Variants in ZNF577 observed in about 807,000 individuals in gnomAD.
ZNF577 encodes the protein zinc finger protein 577.
Under a neutral mutation model 13.9 loss-of-function variants are expected in ZNF577, and 14 were observed. The observed-to-expected ratio is 1.00, with a 90% CI of 0.66 to 1.57. ZNF577 has a LOEUF of 1.57. Ranked by LOEUF, ZNF577 falls within the 40% of genes most tolerant of loss-of-function variation. The pLI is 0.00. For synonymous variants in ZNF577, 203 were observed against 202.9 expected (o/e 1.00, Z 0.00); for missense variants, 555 against 579.2 (o/e 0.96, Z 0.43).
chr19:51,877,699 CTG>C (rs2084788805), intron 4 of ZNF577: 1 of 211,294 alleles, frequency 4.7e-6, no homozygotes, highest in Non-Finnish European at 9.4e-6. Flanking sequence ...TTGTGGAAAA[CTG>C]TTCCTCAAAA....
In ZNF577 at chr19:51,869,574, C is replaced by T. The variant is rs969972501; in HGVS notation, c.*2958G>A. ...GTGCGGGTCCTCCATATGCTGAGCA[C>T]CGGTCCCCTGGGGCCACTGTTCTTT... On this transcript the variant is annotated 3_prime_UTR_variant, in exon 6 of 6. Transcript: ENST00000638348. Among the ~76,000 whole-genome samples, 1 of 151,992 alleles carries T rather than the reference C, an allele frequency of 6.6e-6. No homozygotes were observed. Among genetic ancestry groups the T allele is most frequent in the African/African-American group, 2.4e-5 (1 of 41,388 alleles).
Position 51,824,317 on chromosome 19 carries a change from G to C in ZNF577, c.*600-12643C>G. 6.2e-7 allele frequency: 1 copy of C among 1,614,114 alleles called. No individual in the cohort carries two copies. The highest frequency in any genetic ancestry group is 8.5e-7 in the Non-Finnish European group (1 of 1,180,004). On this transcript the variant is annotated intron_variant and NMD_transcript_variant, in intron 9 of 10. Coordinates refer to the ZNF577 transcript ENST00000638827. This position sits in a 1 kb window ranked among gnomAD's most constrained non-coding sequence, Gnocchi z 4.7. The stretch of plus-strand genomic sequence containing the variant: ...TTCTGGGGTGACACTGCTGTAGAGA[G>C]GTTGAACGTGTTCATTACCATGGCC...
At chr19:51,874,913 A>G (rs2084731841) in intron 5 of ZNF577, among the ~76,000 whole-genome samples, 1 of 152,238 alleles carries the variant, frequency 6.6e-6, no homozygotes, top group East Asian at 1.9e-4. Flanking sequence ...AGAATTGAGG[A>G]TAACTGCTCA....
At chr19:51,830,045 ATT>A (rs1005910376) in intron 9 of ZNF577, among the ~76,000 whole-genome samples, 1 of 151,708 alleles carries the variant, frequency 6.6e-6, no homozygotes, top group African/African-American at 2.4e-5. Flanking sequence ...GAGTTTTATA[ATT>A]TTGTCTTTTA....
intron 5 of ZNF577, chr19:51,861,997 T>G (rs1241492336): frequency 6.6e-6 from 1 of 152,264 alleles, no homozygotes; most frequent in Non-Finnish European, 1.5e-5. Flanking sequence ...CATGGCAAGT[T>G]TTTCGATGCT....
intron 9 of ZNF577, chr19:51,825,425 G>A (rs2084225796): frequency 6.0e-6 from 1 of 166,810 alleles, no homozygotes; most frequent in Non-Finnish European, 1.5e-5. Flanking sequence ...CCAGTGTATA[G>A]GATGGGATCC....
At chr19:51,845,278 T>G (rs2084344796) in intron 5 of ZNF577, among the ~76,000 whole-genome samples, 1 of 152,110 alleles carries the variant, frequency 6.6e-6, no homozygotes, top group African/African-American at 2.4e-5. Flanking sequence ...GCGGATCACC[T>G]GAGGTCGGAG....
chr19:51,839,947 C>T (rs1197923069), exon 9 of ZNF577: 16 of 152,230 alleles, frequency 1.1e-4, no homozygotes, highest in Admixed American at 1.0e-3. Flanking sequence ...TTTCCGTAAC[C>T]TCTTCACTCA....
chr19:51,820,491 C>T (rs1012702728), intron 9 of ZNF577, among the ~76,000 whole-genome samples: 1 of 152,222 alleles, frequency 6.6e-6, no homozygotes, highest in Non-Finnish European at 1.5e-5. Flanking sequence ...GTTCTCTTCT[C>T]CACTTTGTAA....
intron 5 of ZNF577, among the ~76,000 whole-genome samples, chr19:51,876,294 A>G (rs1327734385): frequency 6.6e-6 from 1 of 152,122 alleles, no homozygotes; most frequent in Non-Finnish European, 1.5e-5. Context: ...GAAGAAGGAA[A>G]TATTCGGAGA....
At chr19:51,882,616 T>C (rs112381699) in intron 1 of ZNF577, among the ~76,000 whole-genome samples, 2,264 of 151,878 alleles carry the variant, frequency 0.015, 67 homozygotes, top group African/African-American at 0.052. Context: ...ACCTTGTCTC[T>C]ACAAAAAAAA....
At chr19:51,804,916 G>A (rs1358010320) in exon 11 of ZNF577, 2 of 152,258 alleles carry the variant, frequency 1.3e-5, no homozygotes, top group Admixed American at 6.5e-5. Flanking sequence ...GTGAGAAGGG[G>A]GGTGGAAGAA....
At chr19:51,885,489 T>C (rs952398039) in intron 1 of ZNF577, among the ~76,000 whole-genome samples, 1 of 152,198 alleles carries the variant, frequency 6.6e-6, no homozygotes, top group Non-Finnish European at 1.5e-5. Flanking sequence ...CATTCCTCTA[T>C]ACTTAACACA....
intron 9 of ZNF577, among the ~76,000 whole-genome samples, chr19:51,835,920 T>C (rs2084285386): frequency 6.6e-6 from 1 of 152,232 alleles, no homozygotes; most frequent in Non-Finnish European, 1.5e-5. Context: ...CTTGAACTAC[T>C]GACCTCAGGT....
chr19:51,883,181 C>T (rs1185632559), intron 1 of ZNF577, among the ~76,000 whole-genome samples: 1 of 151,818 alleles, frequency 6.6e-6, no homozygotes, highest in African/African-American at 2.4e-5. Flanking sequence ...GTAGTAAAGA[C>T]GAGGCTTCAC....
intron 1 of ZNF577, among the ~76,000 whole-genome samples, chr19:51,882,030 A>G (rs2084869373): frequency 6.6e-6 from 1 of 152,124 alleles, no homozygotes; most frequent in South Asian, 2.1e-4. Flanking sequence ...TCAAGATGCA[A>G]ACCTCCTCTA....
At chr19:51,812,193 G>A (rs1383563537) in intron 9 of ZNF577, among the ~76,000 whole-genome samples, 4 of 152,158 alleles carry the variant, frequency 2.6e-5, no homozygotes, top group African/African-American at 9.7e-5. Flanking sequence ...TTGATAAAAT[G>A]GGATCACTTA....
chr19:51,864,387 G>A (rs1044352906), downstream of ZNF577, among the ~76,000 whole-genome samples: 2 of 151,976 alleles, frequency 1.3e-5, no homozygotes, highest in Non-Finnish European at 2.9e-5. Context: ...TCCTGCCCCT[G>A]ACTCCCGCCC....
intron 5 of ZNF577, 42 bp from the exon 6 acceptor site, chr19:51,873,748 TTG>T: frequency 6.9e-7 from 1 of 1,448,334 alleles, no homozygotes; most frequent in South Asian, 1.3e-5. Context: ...GCCAAACTTA[TTG>T]TGTCTTTACA....
Sources: gnomAD v4.1 joint callset for allele counts (sites outside exome capture counted in the v4.1 genomes callset) on GRCh38, gnomAD v4.1.1 for gene constraint, Gnocchi (gnomAD v3.1) non-coding constraint, MANE v1.5 for transcripts, NCBI Gene and HGNC (gene_info 2026-07-23, HGNC 2026-07-21) for gene names.